The following CLCN5 variants were observed in gnomAD, a reference collection of about 807,000 sequenced individuals.
The protein encoded by CLCN5 is H(+)/Cl(-) exchange transporter 5.
In CLCN5, 17 loss-of-function variants were observed where a neutral mutation model predicts 54.0. The observed-to-expected ratio is 0.31, with a 90% CI of 0.22 to 0.47. The LOEUF is 0.47. Ranked by LOEUF, CLCN5 falls within the 20% of genes least tolerant of loss-of-function variation. The pLI, the probability that CLCN5 is intolerant of heterozygous loss-of-function variation, is 1.00. For synonymous variants in CLCN5, 222 were observed against 233.0 expected (o/e 0.95, Z 0.43); for missense variants, 448 against 646.7 (o/e 0.69, Z 3.33).
At position 50,081,794 on chromosome X, in the gene CLCN5, A is replaced by T; in HGVS notation, c.880A>T (p.Ile294Phe). 1 of 1,211,722 alleles carries T rather than the reference A, an allele frequency of 8.3e-7. No individual in the cohort carries two copies. The highest frequency in any genetic ancestry group is 1.1e-6 in the Non-Finnish European group (1 of 895,484). The change falls in exon 9 of 15, where the codon ATC (isoleucine) becomes TTC (phenylalanine). Residue 294 changes from isoleucine to phenylalanine, a missense_variant. Around this residue, in one of 5 missense-constraint regions of CLCN5, gnomAD observed 297 missense variants for 470.4 expected, o/e 0.63. Transcript: ENST00000376091. ...LVHVACCCGN[I>F]LCHCFNKYRK... ...GCACGTGGCTTGCTGCTGTGGGAACATCCTGTGCCACTGCTTCAACAAATA... is the reference window on the plus strand; with the variant it reads ...GCACGTGGCTTGCTGCTGTGGGAACTTCCTGTGCCACTGCTTCAACAAATA...
At chrX:50,065,336 C>T (rs1932964072) in intron 4 of CLCN5, among the ~76,000 whole-genome samples, 1 of 78,451 alleles carries the variant, frequency 1.3e-5, no homozygotes, top group Non-Finnish European at 2.4e-5. Context: ...ACAACCCCAT[C>T]AAAAAGTGGG....
intron 3 of CLCN5, among the ~76,000 whole-genome samples, chrX:50,007,387 C>G (rs1377339654): frequency 2.0e-5 from 2 of 98,025 alleles, no homozygotes; most frequent in African/African-American, 7.9e-5. Context: ...CTGTCTCTCT[C>G]TCTCTCTCTT....
chrX:50,054,915 G>A (rs926872211), intron 4 of CLCN5, among the ~76,000 whole-genome samples: 2 of 111,791 alleles, frequency 1.8e-5, no homozygotes, highest in African/African-American at 6.5e-5. Context: ...TTCATGACAC[G>A]TGGTAGAGGA....
intron 4 of CLCN5, among the ~76,000 whole-genome samples, chrX:50,046,397 C>T (rs1389684375): frequency 1.8e-5 from 2 of 112,068 alleles, no homozygotes; most frequent in East Asian, 5.6e-4. Context: ...ACCTAGTGTG[C>T]CTTGCTACTC....
At chrX:49,946,411 T>C (rs782219451) in intron 3 of CLCN5, among the ~76,000 whole-genome samples, 3 of 111,253 alleles carry the variant, frequency 2.7e-5, no homozygotes, top group East Asian at 2.8e-4. Flanking sequence ...TCCAAGCTCA[T>C]GTGATTGTTG....
chrX:49,930,874 T>C (rs1925608585), intron 3 of CLCN5, among the ~76,000 whole-genome samples: 1 of 112,076 alleles, frequency 8.9e-6, no homozygotes, highest in African/African-American at 3.2e-5. Context: ...GGCTTAAATC[T>C]GAATTCAAAT....
chrX:49,960,562 G>C (rs1470671375), intron 3 of CLCN5, among the ~76,000 whole-genome samples: 1 of 108,994 alleles, frequency 9.2e-6, no homozygotes, highest in Non-Finnish European at 1.9e-5. Flanking sequence ...AGAAAAGAGA[G>C]AGCCCATTGG....
chrX:50,012,023 G>A (rs1557182636), intron 3 of CLCN5, among the ~76,000 whole-genome samples: 1 of 110,817 alleles, frequency 9.0e-6, no homozygotes, highest in African/African-American at 3.3e-5. Flanking sequence ...CAGGGGTGGC[G>A]CTCCTGTCAT....
At chrX:50,081,962 G>A in intron 9 of CLCN5, 115 bp downstream of exon 9, 1 of 641,687 alleles carries the variant, frequency 1.6e-6, no homozygotes, top group East Asian at 3.6e-5. Context: ...CTTTGACCCA[G>A]CAATTCCACT....
intron 6 of CLCN5, among the ~76,000 whole-genome samples, chrX:50,073,291 G>A (rs1392234967): frequency 1.8e-5 from 2 of 111,734 alleles, no homozygotes; most frequent in Non-Finnish European, 3.8e-5. Context: ...ATAGGGCCTA[G>A]GCAAATCTGT....
intron 3 of CLCN5, among the ~76,000 whole-genome samples, chrX:50,018,386 G>A (rs782123981): frequency 9.0e-5 from 10 of 111,691 alleles, no homozygotes; most frequent in Non-Finnish European, 1.9e-4. Flanking sequence ...TTTCTACATC[G>A]ACAATCATGT....
At chrX:50,033,078 A>G (rs1236969431) in intron 3 of CLCN5, among the ~76,000 whole-genome samples, 1 of 111,008 alleles carries the variant, frequency 9.0e-6, no homozygotes, top group African/African-American at 3.3e-5. Flanking sequence ...CCATTGATCT[A>G]TATCTCTGTT....
At chrX:50,007,114 C>A (rs886417214) in intron 3 of CLCN5, among the ~76,000 whole-genome samples, 3 of 111,985 alleles carry the variant, frequency 2.7e-5, no homozygotes, top group Non-Finnish European at 3.8e-5. Flanking sequence ...GGGCAGTGAG[C>A]TGTCTCGGCA....
chrX:50,065,008 A>G lies in CLCN5; in HGVS notation c.164-4871A>G, dbSNP rs1372810196. On this transcript the variant is annotated intron_variant, in intron 4 of 14. Coordinates refer to ENST00000376091, the MANE Select transcript of CLCN5 (RefSeq NM_001127898.4). ...TTCCTTATGCCTTATACAAAAATTA[A>G]TTCAAGATGGATTAAAGATTTAAAC... Among the ~76,000 whole-genome samples the G allele has an allele frequency of 6.2e-4, 69 of 111,181 alleles. 1 individual carries two copies. The highest frequency in any genetic ancestry group is 1.1e-3 in the Non-Finnish European group (60 of 53,109).
intron 2 of CLCN5, among the ~76,000 whole-genome samples, chrX:49,924,880 T>C (rs1479797246): frequency 8.9e-6 from 1 of 112,036 alleles, no homozygotes; most frequent in African/African-American, 3.2e-5. Context: ...AACTTCAAGG[T>C]AGGAAAGGTG....
At chrX:50,090,091 G>A (rs199865339) in intron 12 of CLCN5, 25 bp from the exon 13 acceptor site, 41 of 1,204,590 alleles carry the variant, frequency 3.4e-5, no homozygotes, top group Non-Finnish European at 4.6e-5. Context: ...GCCTACCTGA[G>A]TAGACTGTGT....
At chrX:50,072,944 G>A (rs1394990969) in intron 6 of CLCN5, among the ~76,000 whole-genome samples, 5 of 109,942 alleles carry the variant, frequency 4.5e-5, no homozygotes, top group African/African-American at 1.7e-4. Flanking sequence ...ATGTGGAAGA[G>A]GACTTCCTGA....
rs183859162 is a variant in CLCN5 at position 50,059,318 on chromosome X, C to T, written c.164-10561C>T. 7.2e-5 allele frequency among the ~76,000 whole-genome samples: 8 copies of T among 111,720 alleles called. No homozygotes were observed. In the East Asian group the frequency reaches 2.2e-3, roughly 31 times the overall value. ...TGATGAATATTTTTAAATTCACAGT[C>T]CACACTTGTGTCAGTTAACCATTTA... On this transcript the variant is annotated intron_variant, in intron 4 of 14. Coordinates refer to ENST00000376091, the MANE Select transcript of CLCN5 (RefSeq NM_001127898.4).
At chrX:50,064,542 T>C (rs1279973112) in intron 4 of CLCN5, among the ~76,000 whole-genome samples, 15 of 93,361 alleles carry the variant, frequency 1.6e-4, no homozygotes, top group Non-Finnish European at 2.3e-4. Context: ...CATTCCATGC[T>C]CATGGGTAGG....
Sources: gnomAD v4.1 joint callset for allele counts (sites outside exome capture counted in the v4.1 genomes callset) on GRCh38, gnomAD v4.1.1 for gene constraint, gnomAD v4.1.1 regional missense constraint, MANE v1.5 for transcripts, NCBI Gene and HGNC (gene_info 2026-07-23, HGNC 2026-07-21) for gene names.